The following TSPAN2 variants were observed in gnomAD, a reference collection of about 807,000 sequenced individuals.
TSPAN2 encodes tetraspanin-2.
TSPAN2 carries 24 observed loss-of-function variants against 33.3 expected under a neutral mutation model. The observed-to-expected ratio is 0.72, with a 90% confidence interval of 0.52 to 1.01. TSPAN2 has a LOEUF of 1.01. Ranked by LOEUF, TSPAN2 falls within the 50% of genes least tolerant of loss-of-function variation. The pLI is 0.00. For synonymous variants in TSPAN2, 114 were observed against 104.5 expected (o/e 1.09, Z -0.56); for missense variants, 278 against 281.3 (o/e 0.99, Z 0.08).
At chr1:115,061,948 C>G (rs1016680658) in intron 3 of TSPAN2, among the ~76,000 whole-genome samples, 187 bp downstream of exon 3, 1 of 152,136 alleles carries the variant, frequency 6.6e-6, no homozygotes, top group Non-Finnish European at 1.5e-5. Context: ...GTCATGGCAC[C>G]CGGCCCTAGT....
intron 3 of TSPAN2, among the ~76,000 whole-genome samples, chr1:115,061,251 G>C (rs1647707262): frequency 6.6e-6 from 1 of 152,138 alleles, no homozygotes; most frequent in Admixed American, 6.5e-5. Flanking sequence ...GAGATGAGAG[G>C]CTGCCTATTA....
intron 2 of TSPAN2, among the ~76,000 whole-genome samples, chr1:115,070,104 C>T (rs779057707): frequency 2.0e-5 from 3 of 152,286 alleles, no homozygotes; most frequent in African/African-American, 2.4e-5. Flanking sequence ...CGCCACGCAA[C>T]GGCCCCTCCC....
At chr1:115,078,577 A>G (rs1438297713) in intron 1 of TSPAN2, among the ~76,000 whole-genome samples, 1 of 152,058 alleles carries the variant, frequency 6.6e-6, no homozygotes, top group Non-Finnish European at 1.5e-5. Context: ...GACACCAGAG[A>G]GCTTGCTTTC....
chr1:115,066,148 C>A (rs1039083687), intron 2 of TSPAN2, among the ~76,000 whole-genome samples: 10 of 152,306 alleles, frequency 6.6e-5, no homozygotes, highest in African/African-American at 2.4e-4. Context: ...CATCCATCTG[C>A]TGATGGACAC....
At chr1:115,079,651 C>T (rs113162889) in intron 1 of TSPAN2, among the ~76,000 whole-genome samples, 8,063 of 152,244 alleles carry the variant, frequency 0.053, 287 homozygotes, top group Non-Finnish European at 0.081. Flanking sequence ...AAATGGTCTC[C>T]GAAGGACCTC....
chr1:115,048,171 A>G lies in TSPAN2; in HGVS notation c.*2319T>C, dbSNP rs982676555. Reference sequence around the variant, plus strand: ...TAGCTGAAAATTTATGTATATGTGTATGTATATATATATATACACACACAT... The same window carrying G: ...TAGCTGAAAATTTATGTATATGTGTGTGTATATATATATATACACACACAT... On this transcript the variant is annotated 3_prime_UTR_variant, in exon 8 of 8. Coordinates refer to ENST00000369516, the MANE Select transcript of TSPAN2 (RefSeq NM_005725.6). 10 of 125,018 alleles carry G rather than the reference A, an allele frequency of 8.0e-5. 1 individual carries two copies. The highest frequency in any genetic ancestry group is 2.6e-4 in the East Asian group (1 of 3,842). 7.7% of individuals were successfully genotyped at this position (125,018 alleles called of 1,614,324 possible).
At chr1:115,060,372 G>C in intron 4 of TSPAN2, 92 bp downstream of exon 4, 1 of 1,010,298 alleles carries the variant, frequency 9.9e-7, no homozygotes, top group East Asian at 2.4e-5. Context: ...CTATAATAAT[G>C]GGGATTATTT....
chr1:115,087,997 A>G (rs1648911363), intron 1 of TSPAN2, among the ~76,000 whole-genome samples: 2 of 152,222 alleles, frequency 1.3e-5, no homozygotes, highest in Admixed American at 6.5e-5. Context: ...TGACATCTAT[A>G]ATTAACAGCT....
Position 115,049,752 on chromosome 1 carries a change from A to C in TSPAN2, c.*738T>G, listed in dbSNP as rs1557874181. 1 of 152,604 alleles carries C rather than the reference A, an allele frequency of 6.6e-6. No homozygotes were observed. Among genetic ancestry groups the C allele is most frequent in the Non-Finnish European group, 1.5e-5 (1 of 68,008 alleles). 9.5% of individuals were successfully genotyped at this position (152,604 alleles called of 1,614,324 possible). On this transcript the variant is annotated 3_prime_UTR_variant, in exon 8 of 8. Transcript: ENST00000369516. ...AAATATTTCCTTAAAAAGTTGTTAA[A>C]AGTTTTTTAGTCCTATAAACACTCA...
In TSPAN2 at chr1:115,072,813, C is replaced by G. The variant is rs1218283329; in HGVS notation, c.172+92G>C. On this transcript the variant is annotated intron_variant, in intron 2 of 7. Transcript: ENST00000369516. ...CTTTCCCTGCCTCTCTGCCCTCCCCCTCCCACCAAAGTTCAAGTGCAGCTT... is the reference window on the plus strand; with the variant it reads ...CTTTCCCTGCCTCTCTGCCCTCCCCGTCCCACCAAAGTTCAAGTGCAGCTT... 3.5e-6 allele frequency: 4 copies of G among 1,129,162 alleles called. No individual in the cohort carries two copies. In the South Asian group the frequency reaches 5.1e-5, roughly 14 times the overall value. The allele number at this position is 1,129,162 out of a possible 1,614,324, so 69.9% of individuals were successfully genotyped here.
chr1:115,070,635 A>G (rs973820289), intron 2 of TSPAN2, among the ~76,000 whole-genome samples: 105 of 147,524 alleles, frequency 7.1e-4, no homozygotes, highest in African/African-American at 2.5e-3. Context: ...ATCCCTCCCC[A>G]CAGCCATTCT....
Position 115,049,512 on chromosome 1 carries a change from T to C in TSPAN2, c.*978A>G, listed in dbSNP as rs1277943899. On this transcript the variant is annotated 3_prime_UTR_variant, in exon 8 of 8. Coordinates refer to ENST00000369516, the MANE Select transcript of TSPAN2 (RefSeq NM_005725.6). ...TAGGAAAACATGTAAACGTAAGTTATGAGGTATTTCATAGATACAGTGCCC... is the reference window on the plus strand; with the variant it reads ...TAGGAAAACATGTAAACGTAAGTTACGAGGTATTTCATAGATACAGTGCCC... The C allele has an allele frequency of 6.6e-6, 1 of 152,570 alleles. No individual in the cohort carries two copies. The highest frequency in any genetic ancestry group is 1.5e-5 in the Non-Finnish European group (1 of 67,998). The allele number at this position is 152,570 out of a possible 1,614,324, so 9.5% of individuals were successfully genotyped here.
intron 3 of TSPAN2, 37 bp downstream of exon 3, chr1:115,062,098 A>AC (rs1184310471): frequency 1.7e-4 from 238 of 1,382,342 alleles, no homozygotes; most frequent in Middle Eastern, 3.6e-4. Flanking sequence ...CCGCTCCCTC[A>AC]CCCCCACCCC....
intron 1 of TSPAN2, among the ~76,000 whole-genome samples, chr1:115,082,296 C>T (rs1648656524): frequency 6.6e-6 from 1 of 152,206 alleles, no homozygotes; most frequent in Non-Finnish European, 1.5e-5. Flanking sequence ...TTCAACCTTC[C>T]TCTCCGATAG....
intron 1 of TSPAN2, among the ~76,000 whole-genome samples, chr1:115,076,112 G>A (rs1233178464): frequency 6.6e-6 from 1 of 152,206 alleles, no homozygotes; most frequent in Non-Finnish European, 1.5e-5. Context: ...GGAGCAAACT[G>A]TAGCCACTGG....
intron 2 of TSPAN2, among the ~76,000 whole-genome samples, chr1:115,072,283 C>T (rs907526557): frequency 1.3e-5 from 2 of 152,088 alleles, no homozygotes; most frequent in Non-Finnish European, 2.9e-5. Flanking sequence ...CCTGCTGGAA[C>T]CTCTTCCCAG....
At chr1:115,065,303 A>G (rs1647909094) in intron 2 of TSPAN2, among the ~76,000 whole-genome samples, 1 of 152,152 alleles carries the variant, frequency 6.6e-6, no homozygotes, top group African/African-American at 2.4e-5. Flanking sequence ...TTATGGTCTG[A>G]CCCTCAAAAA....
At chr1:115,075,328 T>C (rs1401778474) in intron 1 of TSPAN2, among the ~76,000 whole-genome samples, 2 of 152,178 alleles carry the variant, frequency 1.3e-5, no homozygotes, top group Non-Finnish European at 2.9e-5. Context: ...GTGGCTTAGC[T>C]GAATGTCATC....
chr1:115,070,462 A>G (rs1553218500), intron 2 of TSPAN2, among the ~76,000 whole-genome samples: 1 of 142,492 alleles, frequency 7.0e-6, no homozygotes, highest in Non-Finnish European at 1.5e-5. Flanking sequence ...ATCATACCCT[A>G]CCCCCGGCCC....
Sources: gnomAD v4.1 joint callset for allele counts (sites outside exome capture counted in the v4.1 genomes callset) on GRCh38, gnomAD v4.1.1 for gene constraint, MANE v1.5 for transcripts, NCBI Gene and HGNC (gene_info 2026-07-23, HGNC 2026-07-21) for gene names.